The following WWOX variants were observed in gnomAD, a reference collection of about 807,000 sequenced individuals.
The protein encoded by WWOX is WW domain containing oxidoreductase, also known as WW domain-containing oxidoreductase.
Under a neutral mutation model 46.2 loss-of-function variants are expected in WWOX, and 69 were observed. The observed-to-expected ratio is 1.49, with a 90% CI of 1.23 to 1.82. The LOEUF (loss-of-function observed/expected upper bound fraction) is 1.82, where lower values mean the gene tolerates loss of function less well. Among genes scored for constraint, WWOX ranks in the 40% most tolerant of loss-of-function variants. The probability of loss-of-function intolerance (pLI) is 0.00; values close to 1 mark genes in which losing one functional copy is unlikely to be tolerated. For missense variants in WWOX, 919 were observed against 542.6 expected, an observed-to-expected ratio of 1.69 and a Z score of -6.89; for synonymous variants, 359 against 202.6, an observed-to-expected ratio of 1.77 and a Z score of -6.56.
rs34068363 is a variant in WWOX at position 78,557,689 on chromosome 16, A to ATTTTTTTTTTTTTTTTTTTTTTTTT, written c.1056+124960_1056+124961insTTTTTTTTTTTTTTTTTTTTTTTTT. Among the ~76,000 whole-genome samples, 16 of 96,626 alleles carry ATTTTTTTTTTTTTTTTTTTTTTTTT rather than the reference A, an allele frequency of 1.7e-4. 2 individuals carry two copies. Among genetic ancestry groups the ATTTTTTTTTTTTTTTTTTTTTTTTT allele is most frequent in the East Asian group, 2.8e-4 (1 of 3,554 alleles). 63.4% of individuals were successfully genotyped at this position (96,626 alleles called of 152,430 possible). ...CATAAGTGCATTCCTCTAGGGAAGG[A>ATTTTTTTTTTTTTTTTTTTTTTTTT]TTTTTTTTTTTTTTTTTTTTTTTGA... On this transcript the variant is annotated intron_variant, in intron 8 of 8. Transcript: ENST00000566780.
intron 4 of WWOX, among the ~76,000 whole-genome samples, chr16:78,117,180 C>T (rs2032841459): frequency 6.6e-6 from 1 of 152,170 alleles, no homozygotes; most frequent in South Asian, 2.1e-4. Flanking sequence ...CTCTTCCTTC[C>T]TGATACCTAT....
At chr16:78,842,161 A>C (rs1196058003) in intron 8 of WWOX, among the ~76,000 whole-genome samples, 2 of 152,154 alleles carry the variant, frequency 1.3e-5, no homozygotes, top group East Asian at 1.9e-4. Flanking sequence ...TTCATTTTCA[A>C]CCGATTCAGC....
chr16:78,926,053 G>C (rs1049961875), intron 8 of WWOX, among the ~76,000 whole-genome samples: 1 of 152,180 alleles, frequency 6.6e-6, no homozygotes, highest in Non-Finnish European at 1.5e-5. Context: ...GACAGGACAG[G>C]TAAGGAGAAA....
In WWOX at chr16:78,918,602, C is replaced by T. The variant is rs961510299; in HGVS notation, c.1057-293006C>T. Among the ~76,000 whole-genome samples, 7 of 152,182 alleles carry T rather than the reference C, an allele frequency of 4.6e-5. No individual in the cohort carries two copies. In the East Asian group the frequency reaches 1.4e-3, roughly 29 times the overall value. ...AATGCTTGTTACTATTTTGTGTATT[C>T]CTGGCAGGATTTGTATTCTTAGTTT... is the stretch of plus-strand genomic sequence containing the variant. On this transcript the variant is annotated intron_variant, in intron 8 of 8. Transcript: ENST00000566780.
At chr16:78,680,527 A>G (rs961753786) in intron 8 of WWOX, among the ~76,000 whole-genome samples, 3 of 152,196 alleles carry the variant, frequency 2.0e-5, no homozygotes, top group African/African-American at 7.2e-5. Context: ...CTCAAAGGAA[A>G]GAAAACAAAC....
chr16:78,751,461 T>TTATATATATATATATATATA (rs71140824), intron 8 of WWOX, among the ~76,000 whole-genome samples: 56 of 128,402 alleles, frequency 4.4e-4, no homozygotes, highest in Admixed American at 1.5e-3. Flanking sequence ...TTATCAGATT[T>TTATATATATATATATATATA]TATATATATA....
At chr16:78,764,414 G>A (rs150083295) in intron 8 of WWOX, among the ~76,000 whole-genome samples, 91 of 151,164 alleles carry the variant, frequency 6.0e-4, no homozygotes, top group African/African-American at 2.1e-3. Context: ...TCCTCTTGTT[G>A]GAAGGGAAAT....
intron 8 of WWOX, among the ~76,000 whole-genome samples, chr16:79,093,137 A>T (rs2048998725): frequency 1.3e-5 from 2 of 152,228 alleles, no homozygotes. Flanking sequence ...ACATCAATGA[A>T]AAGAATGACA....
chr16:79,091,452 T>C (rs1327328643), intron 8 of WWOX, among the ~76,000 whole-genome samples: 1 of 152,174 alleles, frequency 6.6e-6, no homozygotes, highest in Non-Finnish European at 1.5e-5. Flanking sequence ...GTGTTCATTC[T>C]ACCCAATTTT....
intron 8 of WWOX, chr16:78,756,814 G>A (rs1226558446): frequency 1.1e-5 from 6 of 561,244 alleles, no homozygotes; most frequent in South Asian, 7.5e-5. Flanking sequence ...TAGTCTTCTC[G>A]GACACCTAAT....
intron 8 of WWOX, among the ~76,000 whole-genome samples, chr16:78,608,532 C>G (rs1208652830): frequency 6.6e-6 from 1 of 152,146 alleles, no homozygotes; most frequent in African/African-American, 2.4e-5. Flanking sequence ...TTGGGAGGTT[C>G]AAGAGCCACT....
chr16:78,558,062 C>A (rs1358942213), intron 8 of WWOX, among the ~76,000 whole-genome samples: 2 of 152,012 alleles, frequency 1.3e-5, no homozygotes, highest in Admixed American at 6.5e-5. Flanking sequence ...TGTTGACTAA[C>A]TTAGGTCACA....
intron 8 of WWOX, among the ~76,000 whole-genome samples, chr16:78,963,601 T>C (rs1027304830): frequency 1.3e-5 from 2 of 152,242 alleles, no homozygotes; most frequent in South Asian, 2.1e-4. Flanking sequence ...ATGCTAGTTA[T>C]GTTAGTGGTA....
chr16:78,285,714 C>A (rs1362617453), intron 5 of WWOX, among the ~76,000 whole-genome samples: 1 of 152,122 alleles, frequency 6.6e-6, no homozygotes, highest in Non-Finnish European at 1.5e-5. Context: ...CAGTAATCGG[C>A]CCATATGTGC....
chr16:78,864,471 GT>G (rs1302181666), intron 8 of WWOX, among the ~76,000 whole-genome samples: 1 of 151,946 alleles, frequency 6.6e-6, no homozygotes, highest in Non-Finnish European at 1.5e-5. Context: ...GTTTCTCCAT[GT>G]TGCCAAGGCT....
At chr16:78,230,229 G>T (rs1401801818) in intron 5 of WWOX, among the ~76,000 whole-genome samples, 4 of 152,116 alleles carry the variant, frequency 2.6e-5, no homozygotes, top group African/African-American at 9.7e-5. Context: ...GCAGTGCCAG[G>T]GAAGGTTTGT....
intron 8 of WWOX, among the ~76,000 whole-genome samples, chr16:78,703,186 T>G (rs2048260830): frequency 6.6e-6 from 1 of 151,476 alleles, no homozygotes; most frequent in African/African-American, 2.5e-5. Context: ...CCTTCTCTTC[T>G]CCGCTCCTTC....
At chr16:78,908,008 C>T (rs1286904985) in intron 8 of WWOX, among the ~76,000 whole-genome samples, 1 of 152,178 alleles carries the variant, frequency 6.6e-6, no homozygotes, top group African/African-American at 2.4e-5. Context: ...GAGTTTATCT[C>T]ATTTGTCCAG....
chr16:78,931,140 T>C (rs1436835747), intron 8 of WWOX, among the ~76,000 whole-genome samples: 3 of 152,220 alleles, frequency 2.0e-5, no homozygotes, highest in Non-Finnish European at 2.9e-5. Flanking sequence ...CCTATCATTG[T>C]CCTTAAGGAG....
Sources: allele counts gnomAD v4.1 joint callset (sites outside exome capture counted in the v4.1 genomes callset), GRCh38; gene constraint gnomAD v4.1.1; transcripts MANE v1.5; gene names NCBI Gene and HGNC (gene_info 2026-07-23, HGNC 2026-07-21).